OR2T11: variants seen among roughly 807,000 people sequenced by gnomAD.
The protein encoded by OR2T11 is olfactory receptor family 2 subfamily T member 11, also known as olfactory receptor 2T11.
Under a neutral mutation model 13.5 loss-of-function variants are expected in OR2T11, and 14 were observed. That is an observed-to-expected ratio of 1.04 (90% confidence interval 0.69 to 1.62). The LOEUF (loss-of-function observed/expected upper bound fraction) is 1.62, where lower values mean the gene tolerates loss of function less well. OR2T11 is among the 40% of genes most tolerant of loss of function. OR2T11 has a pLI of 0.00. For synonymous variants in OR2T11, 163 were observed against 154.6 expected (o/e 1.05, Z -0.40); for missense variants, 410 against 389.7 (o/e 1.05, Z -0.44).
At chr1:248,629,208 A>T (rs932974514) in intron 1 of OR2T11, among the ~76,000 whole-genome samples, 3 of 142,216 alleles carry the variant, frequency 2.1e-5, no homozygotes, top group Non-Finnish European at 4.5e-5. Context: ...GGAGTTTGAG[A>T]TGAGCCTGGG....
chr1:248,633,807 AAG>A (rs1428382811), intron 1 of OR2T11, among the ~76,000 whole-genome samples: 4 of 144,020 alleles, frequency 2.8e-5, no homozygotes, highest in African/African-American at 5.4e-5. Context: ...TCAGTCATGA[AAG>A]AGTTTTCTGC....
At position 248,626,117 on chromosome 1, in the gene OR2T11, C is replaced by T. The variant is rs185883863; in HGVS notation, c.*61G>A. The T allele has an allele frequency of 3.4e-4, 314 of 927,066 alleles. 68 individuals carry two copies. In the African/African-American group the frequency reaches 4.8e-3, roughly 14 times the overall value. The allele number at this position is 927,066 out of a possible 1,614,324, so 57.4% of individuals were successfully genotyped here. Reference sequence around the variant, plus strand: ...GGTTGATAGCTGAGCAGATCATCTCCAGGGAAACAGGGCAAATGGAGGAAG... The same window carrying T: ...GGTTGATAGCTGAGCAGATCATCTCTAGGGAAACAGGGCAAATGGAGGAAG... On this transcript the variant is annotated 3_prime_UTR_variant, in exon 2 of 2. Coordinates refer to ENST00000641193, the MANE Select transcript of OR2T11 (RefSeq NM_001001964.2).
chr1:248,624,056 C>T lies in OR2T11; in HGVS notation c.*2122G>A, dbSNP rs1660480122. ...AGTTATAACACACGCTCTGCCTGAC[C>T]TCCTGCTATTGTCACTGAGTTGGCC... On this transcript the variant is annotated 3_prime_UTR_variant, in exon 2 of 2. Coordinates refer to ENST00000641193, the MANE Select transcript of OR2T11 (RefSeq NM_001001964.2). The T allele has an allele frequency of 7.1e-6, 1 of 141,572 alleles. No homozygotes were observed. Among genetic ancestry groups the T allele is most frequent in the Admixed American group, 6.9e-5 (1 of 14,532 alleles). 8.8% of individuals were successfully genotyped at this position (141,572 alleles called of 1,614,324 possible). A position where few individuals can be genotyped will look rare whatever the true frequency, so the allele number is the denominator to read the frequency against.
chr1:248,627,025 GC>G lies in OR2T11; in HGVS notation c.103del (p.Ala35ProfsTer2), dbSNP rs759832412. 1 of 1,569,298 alleles carries G rather than the reference GC, an allele frequency of 6.4e-7. No individual in the cohort carries two copies. The highest frequency in any genetic ancestry group is 2.3e-5 in the East Asian group (1 of 43,656). ...FTVILAVFLG[A>X]VTANLVMIFL... The stretch of plus-strand genomic sequence containing the variant: ...TATCATGACCAAATTTGCAGTCACG[GC>G]CCCCAAGAAAACAGCAAGGATCACT... On this transcript the variant is annotated frameshift_variant, in exon 2 of 2. Coordinates refer to ENST00000641193, the MANE Select transcript of OR2T11 (RefSeq NM_001001964.2). LOFTEE classifies it high-confidence loss of function.
At chr1:248,629,617 C>T (rs1257477436) in intron 1 of OR2T11, among the ~76,000 whole-genome samples, 1 of 138,000 alleles carries the variant, frequency 7.2e-6, no homozygotes, top group Non-Finnish European at 1.5e-5. Flanking sequence ...CCCGCCACGC[C>T]ACTTTCTGCT....
At position 248,624,504 on chromosome 1, in the gene OR2T11, T is replaced by TA. The variant is rs1382961385; in HGVS notation, c.*1673dup. 1.4e-5 allele frequency: 2 copies of TA among 143,382 alleles called. 1 individual carries two copies. The highest frequency in any genetic ancestry group is 3.0e-5 in the Non-Finnish European group (2 of 66,306). The allele number at this position is 143,382 out of a possible 1,614,324, so 8.9% of individuals were successfully genotyped here. A position where few individuals can be genotyped will look rare whatever the true frequency, so the allele number is the denominator to read the frequency against. On this transcript the variant is annotated 3_prime_UTR_variant, in exon 2 of 2. Transcript: ENST00000641193. The stretch of plus-strand genomic sequence containing the variant: ...TTGTTGCAGTTGCTTTTACTTTCTT[T>TA]AAACACTTTGTCTTAGATTTCTTCT...
At chr1:248,630,607 T>C (rs1455599163) in intron 1 of OR2T11, among the ~76,000 whole-genome samples, 2 of 144,062 alleles carry the variant, frequency 1.4e-5, no homozygotes, top group Non-Finnish European at 3.0e-5. Flanking sequence ...GTTAAACAGA[T>C]AAAATTGTGT....
At chr1:248,628,362 G>A (rs1231705212) in intron 1 of OR2T11, among the ~76,000 whole-genome samples, 1 of 140,492 alleles carries the variant, frequency 7.1e-6, no homozygotes, top group African/African-American at 2.9e-5. Flanking sequence ...GGCCTCAGTG[G>A]CTTGAGTCTC....
chr1:248,634,955 T>TA (rs1189725718), intron 1 of OR2T11, 83 bp downstream of exon 1: 1 of 142,764 alleles, frequency 7.0e-6, no homozygotes, highest in African/African-American at 2.7e-5. Context: ...CTTTCTTCTA[T>TA]TACAATTTTA....
chr1:248,631,846 C>T (rs1660620075), intron 1 of OR2T11, among the ~76,000 whole-genome samples: 1 of 143,270 alleles, frequency 7.0e-6, no homozygotes, highest in African/African-American at 2.8e-5. Flanking sequence ...AATGACTCAT[C>T]TCCCAGCAGA....
At position 248,633,342 on chromosome 1, in the gene OR2T11, T is replaced by C. The variant is rs1289249414; in HGVS notation, c.-145+1696A>G. On this transcript the variant is annotated intron_variant, in intron 1 of 1. Coordinates refer to ENST00000641193, the MANE Select transcript of OR2T11 (RefSeq NM_001001964.2). ...GTGAAAAGGTGGCATATTTTCAACCTATATAATCATCTCCTTACAACTGTA... is the reference window on the plus strand; with the variant it reads ...GTGAAAAGGTGGCATATTTTCAACCCATATAATCATCTCCTTACAACTGTA... 6.3e-5 allele frequency among the ~76,000 whole-genome samples: 9 copies of C among 143,400 alleles called. 2 individuals are homozygous for C. Among genetic ancestry groups the C allele is most frequent in the African/African-American group, 2.5e-4 (9 of 36,356 alleles). The allele number at this position is 143,400 out of a possible 152,430, so 94.1% of individuals were successfully genotyped here.
rs182025279 is a variant in OR2T11, at chr1:248,626,309, A to G, written c.820T>C (p.Phe274Leu). Residue 274 changes from phenylalanine to leucine, a missense_variant, in exon 2 of 2, where the codon TTC becomes CTC. Transcript: ENST00000641193. ...AGCATGGGCGTGACAATGGTATAGAAGGCTGACACTACTTTGTCCTGCTCG... is the reference window on the plus strand; with the variant it reads ...AGCATGGGCGTGACAATGGTATAGAGGGCTGACACTACTTTGTCCTGCTCG... The part of the protein sequence containing the change: ...TPEQDKVVSA[F>L]YTIVTPMLNP... The G allele has an allele frequency of 1.8e-5, 28 of 1,570,666 alleles. 5 individuals are homozygous for G. In the South Asian group the frequency reaches 3.0e-4, roughly 17 times the overall value.
chr1:248,630,965 C>G (rs1364183773), intron 1 of OR2T11, among the ~76,000 whole-genome samples: 1 of 142,996 alleles, frequency 7.0e-6, no homozygotes, highest in Non-Finnish European at 1.5e-5. Flanking sequence ...GATATGAAAA[C>G]AGGTCGGAGG....
intron 1 of OR2T11, among the ~76,000 whole-genome samples, chr1:248,634,334 CTACAGGTATT>C (rs1300356550): frequency 3.9e-4 from 5 of 12,790 alleles, no homozygotes; most frequent in Non-Finnish European, 3.6e-3. Flanking sequence ...AGAGTTGAAG[CTACAGGTATT>C]TATTTACCAT....
Position 248,631,903 on chromosome 1 carries a change from C to G in OR2T11, c.-145+3135G>C, listed in dbSNP as rs187221762. Among the ~76,000 whole-genome samples the G allele has an allele frequency of 4.8e-4, 69 of 143,970 alleles. 6 individuals are homozygous for G. Among genetic ancestry groups the G allele is most frequent in the Non-Finnish European group, 6.9e-4 (46 of 66,374 alleles). The allele number at this position is 143,970 out of a possible 152,430, so 94.4% of individuals were successfully genotyped here. On this transcript the variant is annotated intron_variant, in intron 1 of 1. Coordinates refer to ENST00000641193, the MANE Select transcript of OR2T11 (RefSeq NM_001001964.2). ...AGGCATGTTTCCTGCACAGCATCAC[C>G]GCTGTCAACATGAAGCCCTGTACGT... is the stretch of plus-strand genomic sequence containing the variant.
rs766646398 is a variant in OR2T11, at chr1:248,626,321, CT to C, written c.807del (p.Val270Ter). 6.4e-7 allele frequency: 1 copy of C among 1,572,736 alleles called. No individual in the cohort carries two copies. Among genetic ancestry groups the C allele is most frequent in the South Asian group, 1.1e-5 (1 of 88,912 alleles). ...ACAATGGTATAGAAGGCTGACACTACTTTGTCCTGCTCGGGGGTGTGGAAGG... is the reference window on the plus strand; with the variant it reads ...ACAATGGTATAGAAGGCTGACACTACTTGTCCTGCTCGGGGGTGTGGAAGG... ...PQSFHTPEQDKVVSAFYTIVT... is the reference protein window; with the variant it reads ...PQSFHTPEQDXVVSAFYTIVT... On this transcript the variant is annotated frameshift_variant, in exon 2 of 2. Transcript: ENST00000641193. LOFTEE classifies it high-confidence loss of function.
intron 1 of OR2T11, among the ~76,000 whole-genome samples, chr1:248,630,700 A>G (rs1044784515): frequency 6.9e-6 from 1 of 144,178 alleles, no homozygotes; most frequent in Non-Finnish European, 1.5e-5. Context: ...TTTGCTACTT[A>G]AATTGAACGA....
In OR2T11 at chr1:248,631,076, T is replaced by C. The variant is rs1369820981; in HGVS notation, c.-144-3804A>G. 5.6e-5 allele frequency among the ~76,000 whole-genome samples: 8 copies of C among 142,678 alleles called. 1 individual carries two copies. Among genetic ancestry groups the C allele is most frequent in the Admixed American group, 3.4e-4 (5 of 14,642 alleles). The allele number at this position is 142,678 out of a possible 152,430, so 93.6% of individuals were successfully genotyped here. A position where few individuals can be genotyped will look rare whatever the true frequency, so the allele number is the denominator to read the frequency against. On this transcript the variant is annotated intron_variant, in intron 1 of 1. Coordinates refer to ENST00000641193, the MANE Select transcript of OR2T11 (RefSeq NM_001001964.2). The stretch of plus-strand genomic sequence containing the variant: ...GAGGGCTAAGAAATAGATTATCTCC[T>C]AAAACCTCATAGAAAAGTAGGTAGC...
In OR2T11 at chr1:248,627,019, G is replaced by C. The variant is rs1426518243; in HGVS notation, c.110C>G (p.Thr37Ser). The change falls in exon 2 of 2, where the codon ACT becomes AGT. Residue 37 changes from threonine (T) to serine (S), a missense_variant. Coordinates refer to ENST00000641193, the MANE Select transcript of OR2T11 (RefSeq NM_001001964.2). ...VILAVFLGAV[T>S]ANLVMIFLIQ... Reference sequence around the variant, plus strand: ...CAAGAATATCATGACCAAATTTGCAGTCACGGCCCCCAAGAAAACAGCAAG... The same window carrying C: ...CAAGAATATCATGACCAAATTTGCACTCACGGCCCCCAAGAAAACAGCAAG... The C allele has an allele frequency of 6.4e-7, 1 of 1,569,714 alleles. No homozygotes were observed. The highest frequency in any genetic ancestry group is 1.5e-5 in the African/African-American group (1 of 66,416).
Sources: gnomAD v4.1 joint callset for allele counts (sites outside exome capture counted in the v4.1 genomes callset) on GRCh38, gnomAD v4.1.1 for gene constraint, MANE v1.5 for transcripts, NCBI Gene and HGNC (gene_info 2026-07-23, HGNC 2026-07-21) for gene names.